The following ATXN1 variants were observed in gnomAD, a reference collection of about 807,000 sequenced individuals.
ATXN1 encodes the protein ataxin 1, also known as ataxin-1.
ATXN1 carries 8 observed loss-of-function variants against 56.4 expected under a neutral mutation model. The observed-to-expected ratio is 0.14, with a 90% confidence interval of 0.08 to 0.26. The LOEUF (loss-of-function observed/expected upper bound fraction) is 0.26, where lower values mean the gene tolerates loss of function less well. Among genes scored for constraint, ATXN1 ranks in the 10% least tolerant of loss-of-function variants. The pLI, the probability that ATXN1 is intolerant of heterozygous loss-of-function variation, is 1.00. For missense variants in ATXN1, 987 were observed against 1,106.5 expected (o/e 0.89, Z 1.53); for synonymous variants, 514 against 494.6 (o/e 1.04, Z -0.52).
intron 4 of ATXN1, among the ~76,000 whole-genome samples, chr6:16,559,371 CAA>C (rs377598266): frequency 2.2e-4 from 25 of 112,998 alleles, no homozygotes; most frequent in African/African-American, 2.9e-4. Context: ...TGGAAACAAC[CAA>C]AAAAAAAAAA....
chr6:16,538,223 TG>T (rs1761642448), intron 4 of ATXN1, among the ~76,000 whole-genome samples: 1 of 152,194 alleles, frequency 6.6e-6, no homozygotes, highest in Non-Finnish European at 1.5e-5. Flanking sequence ...AGCCAATATC[TG>T]GGTTTAAATG....
intron 7 of ATXN1, among the ~76,000 whole-genome samples, chr6:16,308,272 A>G (rs1375154171): frequency 1.3e-5 from 2 of 150,784 alleles, no homozygotes; most frequent in Non-Finnish European, 3.0e-5. Context: ...GCTGCAGTGA[A>G]CCGAGATCAT....
In ATXN1 at chr6:16,430,114, T is replaced by C. The variant is rs111405337; in HGVS notation, c.-161+55858A>G. Among the ~76,000 whole-genome samples, 1,092 of 151,994 alleles carry C rather than the reference T, an allele frequency of 7.2e-3. 9 individuals are homozygous for C. The highest frequency in any genetic ancestry group is 0.025 in the African/African-American group (1,029 of 41,448). On this transcript the variant is annotated intron_variant, in intron 6 of 7. Coordinates refer to ENST00000436367, the MANE Select transcript of ATXN1 (RefSeq NM_001128164.2). ...AAAAATTCTGAAGTTTACTGATACA[T>C]TGCTTGGACCCCAAAGTCCCTGCAC...
At chr6:16,552,144 T>C (rs1038562687) in intron 4 of ATXN1, among the ~76,000 whole-genome samples, 6 of 152,180 alleles carry the variant, frequency 3.9e-5, no homozygotes, top group Admixed American at 3.9e-4. Context: ...CACTCAAAGA[T>C]GCTACTCACA....
chr6:16,562,384 AAAAG>A (rs1443539015), intron 4 of ATXN1, among the ~76,000 whole-genome samples: 4 of 150,468 alleles, frequency 2.7e-5, no homozygotes, highest in Non-Finnish European at 5.9e-5. Flanking sequence ...AAAAAAAAAA[AAAAG>A]AAGAAGAAGA....
intron 2 of ATXN1, among the ~76,000 whole-genome samples, chr6:16,697,063 A>G (rs1759180082): frequency 6.6e-6 from 1 of 152,232 alleles, no homozygotes; most frequent in African/African-American, 2.4e-5. Flanking sequence ...CCACCACGTT[A>G]CAGTGGAAAC....
chr6:16,680,630 A>G (rs999519472), intron 2 of ATXN1, among the ~76,000 whole-genome samples: 19 of 152,204 alleles, frequency 1.2e-4, no homozygotes, highest in African/African-American at 4.3e-4. Flanking sequence ...TTACTGTCCT[A>G]TGCTCCAACT....
chr6:16,689,545 G>A (rs1443411598), intron 2 of ATXN1, among the ~76,000 whole-genome samples: 1 of 124,536 alleles, frequency 8.0e-6, no homozygotes, highest in Non-Finnish European at 1.6e-5. Flanking sequence ...TGTAGAGATG[G>A]AGTCTCCCTA....
At chr6:16,648,591 A>G (rs939852521) in intron 3 of ATXN1, among the ~76,000 whole-genome samples, 1 of 152,234 alleles carries the variant, frequency 6.6e-6, no homozygotes, top group Non-Finnish European at 1.5e-5. Context: ...TGGATCTTGT[A>G]AACAGCTGAA....
chr6:16,743,748 G>C (rs1760425906), intron 2 of ATXN1, among the ~76,000 whole-genome samples: 1 of 152,196 alleles, frequency 6.6e-6, no homozygotes, highest in African/African-American at 2.4e-5. Flanking sequence ...TCAAGAATGA[G>C]GGAAAGGTAG....
At chr6:16,492,849 C>G (rs1760696527) in intron 5 of ATXN1, among the ~76,000 whole-genome samples, 1 of 152,152 alleles carries the variant, frequency 6.6e-6, no homozygotes, top group South Asian at 2.1e-4. Context: ...TGGATATATG[C>G]AGTGGAAACA....
intron 2 of ATXN1, among the ~76,000 whole-genome samples, chr6:16,663,411 C>T (rs1758364549): frequency 6.6e-6 from 1 of 152,132 alleles, no homozygotes; most frequent in South Asian, 2.1e-4. Flanking sequence ...ATATAAAATA[C>T]AGTGACTATT....
intron 5 of ATXN1, among the ~76,000 whole-genome samples, chr6:16,497,447 C>G (rs1226879789): frequency 2.0e-5 from 3 of 152,176 alleles, no homozygotes; most frequent in African/African-American, 7.2e-5. Flanking sequence ...GATCCACCTT[C>G]GAGGCAATCA....
At chr6:16,571,394 C>T (rs918126354) in intron 4 of ATXN1, among the ~76,000 whole-genome samples, 20 of 152,184 alleles carry the variant, frequency 1.3e-4, no homozygotes, top group Non-Finnish European at 2.8e-4. Flanking sequence ...GCTTCCACAG[C>T]AAGCCCATAA....
chr6:16,635,844 C>T (rs1184046268), intron 3 of ATXN1, among the ~76,000 whole-genome samples: 1 of 148,932 alleles, frequency 6.7e-6, no homozygotes, highest in South Asian at 2.2e-4. Context: ...CAGGCAACCC[C>T]GCACAGCAGC....
intron 3 of ATXN1, among the ~76,000 whole-genome samples, chr6:16,590,819 GC>G (rs1561769334): frequency 6.6e-6 from 1 of 150,862 alleles, no homozygotes; most frequent in East Asian, 1.9e-4. Context: ...ACAGGCACAC[GC>G]CACCATGCCT....
chr6:16,605,612 T>C (rs1298720343), intron 3 of ATXN1, among the ~76,000 whole-genome samples: 1 of 152,190 alleles, frequency 6.6e-6, no homozygotes, highest in Non-Finnish European at 1.5e-5. Context: ...ATTCAGATGC[T>C]GGAGCTCTTG....
intron 4 of ATXN1, among the ~76,000 whole-genome samples, chr6:16,545,545 A>G (rs1761799299): frequency 6.6e-6 from 1 of 152,218 alleles, no homozygotes; most frequent in Non-Finnish European, 1.5e-5. Flanking sequence ...AAACCACTTC[A>G]TCATCAACAA....
chr6:16,670,203 A>C (rs1406660857), intron 2 of ATXN1, among the ~76,000 whole-genome samples: 1 of 152,132 alleles, frequency 6.6e-6, no homozygotes, highest in Admixed American at 6.5e-5. Flanking sequence ...TGGTTATGCT[A>C]CTTGAATCCT....
Sources: gnomAD v4.1 joint callset for allele counts (sites outside exome capture counted in the v4.1 genomes callset) on GRCh38, gnomAD v4.1.1 for gene constraint, MANE v1.5 for transcripts, NCBI Gene and HGNC (gene_info 2026-07-23, HGNC 2026-07-21) for gene names.